DEAF1: variants seen among roughly 807,000 people sequenced by gnomAD.
DEAF1 encodes the protein DEAF1 transcription factor, also known as deformed epidermal autoregulatory factor 1 homolog.
Under a neutral mutation model 58.9 loss-of-function variants are expected in DEAF1, and 53 were observed. The observed-to-expected ratio is 0.90, with a 90% CI of 0.72 to 1.13. DEAF1 has a LOEUF of 1.13. Among genes scored for constraint, DEAF1 ranks in the 50% most tolerant of loss-of-function variants. The pLI, the probability that DEAF1 is intolerant of heterozygous loss-of-function variation, is 0.00. For missense variants in DEAF1, 685 were observed against 791.4 expected, an observed-to-expected ratio of 0.87 and a Z score of 1.61; for synonymous variants, 385 against 340.4, an observed-to-expected ratio of 1.13 and a Z score of -1.44.
intron 1 of DEAF1, chr11:700,490 G>T: frequency 1.2e-6 from 1 of 839,990 alleles, no homozygotes; most frequent in South Asian, 1.4e-5. Context: ...TTGCGCCACT[G>T]AACTCCATCC....
intron 10 of DEAF1, 111 bp from the exon 11 acceptor site, chr11:654,162 CCCCTTTTT>C (rs1358667782): frequency 4.8e-5 from 24 of 501,944 alleles, no homozygotes; most frequent in African/African-American, 1.7e-4. Context: ...CCCATTGGAC[CCCCTTTTT>C]TTTTTTTTTT....
chr11:648,263 C>A (rs1017350038), intron 11 of DEAF1, among the ~76,000 whole-genome samples: 4 of 147,418 alleles, frequency 2.7e-5, no homozygotes, highest in Admixed American at 1.4e-4. Context: ...GGCACGATCT[C>A]GGCTCACTGC....
chr11:678,584 C>T (rs1860186658), intron 9 of DEAF1, 110 bp downstream of exon 9: 3 of 1,548,376 alleles, frequency 1.9e-6, no homozygotes, highest in Admixed American at 3.4e-5. Context: ...AATGCATCAA[C>T]AAAAACAACA....
intron 6 of DEAF1, 76 bp from the exon 7 acceptor site, chr11:681,165 GGGGGCACCGC>G: frequency 6.2e-7 from 1 of 1,602,370 alleles, no homozygotes; most frequent in Non-Finnish European, 8.5e-7. Flanking sequence ...CTCCTTAAGT[GGGGGCACCGC>G]GGGGTGTGTG....
intron 10 of DEAF1, among the ~76,000 whole-genome samples, chr11:667,852 C>T (rs1859626639): frequency 6.6e-6 from 1 of 151,988 alleles, no homozygotes; most frequent in Non-Finnish European, 1.5e-5. Context: ...TAGCTCATGC[C>T]TGTAATCCCA....
chr11:669,042 G>C (rs937408072), intron 10 of DEAF1, among the ~76,000 whole-genome samples: 5 of 151,700 alleles, frequency 3.3e-5, no homozygotes, highest in Non-Finnish European at 5.9e-5. Flanking sequence ...AGCCAGGATG[G>C]TCTCGACCTC....
At chr11:689,977 G>A (rs1860757300) in intron 2 of DEAF1, among the ~76,000 whole-genome samples, 1 of 151,868 alleles carries the variant, frequency 6.6e-6, no homozygotes, top group South Asian at 2.1e-4. Context: ...TGAAAACACA[G>A]ATCGCCACGT....
chr11:699,490 T>C (rs1590035405), upstream of DEAF1: 3 of 154,824 alleles, frequency 1.9e-5, no homozygotes, highest in Non-Finnish European at 4.3e-5. Context: ...CTCATGCCTG[T>C]AATCCCAACA....
intron 5 of DEAF1, among the ~76,000 whole-genome samples, chr11:685,416 C>T (rs1379023620): frequency 2.0e-5 from 3 of 151,738 alleles, no homozygotes; most frequent in Admixed American, 6.6e-5. Flanking sequence ...AAATCAGGGC[C>T]GGGCATGGTG....
At chr11:695,806 AC>A (rs565786652), upstream of DEAF1, 36 of 1,234,202 alleles carry the variant, frequency 2.9e-5, no homozygotes, top group South Asian at 1.2e-3. Flanking sequence ...ATCGCGACGG[AC>A]CGGCGGGCGG....
chr11:686,043 G>A (rs1413848600), intron 5 of DEAF1, among the ~76,000 whole-genome samples: 1 of 151,770 alleles, frequency 6.6e-6, no homozygotes, highest in Non-Finnish European at 1.5e-5. Context: ...AGCACTTTGG[G>A]AGGCCGAGGC....
chr11:699,468 C>T (rs1369948162), upstream of DEAF1: 3 of 154,180 alleles, frequency 1.9e-5, no homozygotes, highest in South Asian at 1.9e-4. Context: ...AAAAAGTGGC[C>T]GGGCGCAGTG....
At position 694,797 on chromosome 11, in the gene DEAF1, G is replaced by T; in HGVS notation, c.251C>A (p.Pro84His). ...GGCAGCGGCGGCCTCGTCGGGGCCG[G>T]GCAGGGCCTCGGCGCCCATGTCCAT... ...GHMDMGAEAL[P>H]GPDEAAAAAA... Residue 84 changes from proline to histidine, a missense_variant, in exon 1 of 12, where the codon CCC becomes CAC. Physicochemically the swap from Pro to His is moderately conservative, Grantham distance 77. Coordinates refer to ENST00000382409, the MANE Select transcript of DEAF1 (RefSeq NM_021008.4). 7.2e-7 allele frequency: 1 copy of T among 1,395,126 alleles called. No individual in the cohort carries two copies. Among genetic ancestry groups the T allele is most frequent in the African/African-American group, 1.5e-5 (1 of 66,842 alleles). The allele number at this position is 1,395,126 out of a possible 1,614,324, so 86.4% of individuals were successfully genotyped here.
chr11:687,271 C>T (rs1255408644), intron 4 of DEAF1, among the ~76,000 whole-genome samples: 1 of 152,246 alleles, frequency 6.6e-6, no homozygotes, highest in Non-Finnish European at 1.5e-5. Context: ...TACCCACTTC[C>T]AGAGCCTTCA....
chr11:655,579 C>T (rs1290941554), intron 10 of DEAF1, among the ~76,000 whole-genome samples: 8 of 151,866 alleles, frequency 5.3e-5, no homozygotes, highest in Admixed American at 1.3e-4. Context: ...TGAGTGGCAG[C>T]GTCTGTGAGC....
At chr11:660,507 A>C (rs2133315894) in intron 10 of DEAF1, among the ~76,000 whole-genome samples, 1 of 152,134 alleles carries the variant, frequency 6.6e-6, no homozygotes, top group South Asian at 2.1e-4. Flanking sequence ...TCCCACCACA[A>C]CACCCCTGGC....
chr11:700,889 C>T (rs1196442361), intron 1 of DEAF1: 1 of 645,232 alleles, frequency 1.5e-6, no homozygotes, highest in Non-Finnish European at 2.8e-6. Context: ...GAAGTTTTGT[C>T]CCAGAGACAA....
intron 5 of DEAF1, among the ~76,000 whole-genome samples, chr11:686,290 T>TC (rs1303549269): frequency 4.1e-4 from 27 of 66,636 alleles, no homozygotes; most frequent in African/African-American, 1.1e-3. Flanking sequence ...AGACTCTGTC[T>TC]CAAAAAAAAA....
intron 10 of DEAF1, 85 bp from the exon 11 acceptor site, chr11:654,136 G>GA: frequency 9.4e-7 from 1 of 1,063,712 alleles, no homozygotes; most frequent in Non-Finnish European, 1.4e-6. Context: ...GTGCAGGCAG[G>GA]AGGCCCCAAG....
Sources: gnomAD v4.1 joint callset for allele counts (sites outside exome capture counted in the v4.1 genomes callset) on GRCh38, gnomAD v4.1.1 for gene constraint, MANE v1.5 for transcripts, NCBI Gene and HGNC (gene_info 2026-07-23, HGNC 2026-07-21) for gene names.